Variants in MREG observed in about 807,000 individuals in gnomAD.
MREG encodes the protein dilute suppressor protein homolog.
Under a neutral mutation model 28.5 loss-of-function variants are expected in MREG, and 31 were observed. The observed-to-expected ratio is 1.09, with a 90% CI of 0.82 to 1.47. MREG has a LOEUF of 1.47. MREG is among the 40% of genes most tolerant of loss of function. MREG has a pLI of 0.00. For synonymous variants in MREG, 106 were observed against 95.2 expected (o/e 1.11, Z -0.66); for missense variants, 256 against 257.4 (o/e 0.99, Z 0.04).
At chr2:216,030,960 A>T (rs866451307) in intron 1 of MREG, among the ~76,000 whole-genome samples, 77 of 117,268 alleles carry the variant, frequency 6.6e-4, no homozygotes, top group African/African-American at 2.1e-3. Context: ...TCTCTCTCAC[A>T]CACACACACA....
At chr2:215,978,867 A>G (rs1693331818) in intron 2 of MREG, among the ~76,000 whole-genome samples, 1 of 152,258 alleles carries the variant, frequency 6.6e-6, no homozygotes, top group African/African-American at 2.4e-5. Context: ...TAAACTAGGT[A>G]TTGATGGAAC....
At chr2:215,961,657 C>CCTCA (rs1410886486) in intron 2 of MREG, among the ~76,000 whole-genome samples, 6 of 152,082 alleles carry the variant, frequency 3.9e-5, no homozygotes, top group Non-Finnish European at 7.4e-5. Context: ...GAACTCCTGA[C>CCTCA]CTCAAATGAT....
intron 1 of MREG, among the ~76,000 whole-genome samples, chr2:215,998,687 T>C (rs1360922806): frequency 6.6e-6 from 1 of 152,110 alleles, no homozygotes; most frequent in African/African-American, 2.4e-5. Context: ...GATGAACCAG[T>C]GAAAGAGGAG....
chr2:215,969,989 T>G (rs569497206), intron 2 of MREG, among the ~76,000 whole-genome samples: 1 of 152,234 alleles, frequency 6.6e-6, no homozygotes, highest in Non-Finnish European at 1.5e-5. Context: ...ATTCTCACCA[T>G]GGCCTACATT....
chr2:215,956,464 A>AAT (rs1413320919), intron 2 of MREG, among the ~76,000 whole-genome samples: 5 of 152,110 alleles, frequency 3.3e-5, no homozygotes, highest in African/African-American at 9.7e-5. Context: ...TACAGAAAAT[A>AAT]ATATATATAT....
intron 2 of MREG, among the ~76,000 whole-genome samples, chr2:215,950,896 G>A (rs1473972422): frequency 2.0e-5 from 3 of 152,180 alleles, no homozygotes; most frequent in Non-Finnish European, 4.4e-5. Flanking sequence ...GATCATAGAG[G>A]TGGTTTCTAA....
chr2:216,029,743 A>G (rs1694651064), intron 1 of MREG, among the ~76,000 whole-genome samples: 1 of 152,256 alleles, frequency 6.6e-6, no homozygotes, highest in Non-Finnish European at 1.5e-5. Flanking sequence ...AGAATAGTCC[A>G]GTATTTCCCT....
intron 1 of MREG, among the ~76,000 whole-genome samples, chr2:216,006,571 A>G (rs928796192): frequency 2.0e-5 from 3 of 152,234 alleles, no homozygotes; most frequent in Non-Finnish European, 2.9e-5. Context: ...AGGTGTGCCA[A>G]TCTGCCCAAT....
rs1229146171 is a variant in MREG at position 216,031,536 on chromosome 2, AAGGAAGGAAG to A, written c.-68+1243_-68+1252del. ...GGAAGGAAGGGAAAAGAAAAGAAAGAAGGAAGGAAGGAAAGAGGGAGGGAGGGAAGGAAGG... is the reference window on the plus strand; with the variant it reads ...GGAAGGAAGGGAAAAGAAAAGAAAGAGAAAGAGGGAGGGAGGGAAGGAAGG... On this transcript the variant is annotated intron_variant, in intron 1 of 3. Coordinates refer to the MREG transcript ENST00000420348. 8.0e-5 allele frequency among the ~76,000 whole-genome samples: 12 copies of A among 150,072 alleles called. No homozygotes were observed. The South Asian group carries it at 8.5e-4, about 11-fold the overall frequency.
intron 2 of MREG, among the ~76,000 whole-genome samples, chr2:215,984,518 C>CAAAAAAAAAAAA (rs375220091): frequency 2.9e-4 from 20 of 68,038 alleles, no homozygotes; most frequent in Non-Finnish European, 3.7e-4. Flanking sequence ...ACCTTGTCAC[C>CAAAAAAAAAAAA]AAAAAAAAAA....
At chr2:216,026,867 T>C (rs1694604510) in intron 1 of MREG, among the ~76,000 whole-genome samples, 1 of 152,174 alleles carries the variant, frequency 6.6e-6, no homozygotes. Context: ...TAAACTTACA[T>C]CACATAAGGC....
At chr2:215,957,569 G>C (rs892813670) in intron 2 of MREG, among the ~76,000 whole-genome samples, 4 of 152,226 alleles carry the variant, frequency 2.6e-5, no homozygotes, top group Non-Finnish European at 5.9e-5. Flanking sequence ...GGACTGAGGA[G>C]AGAAGGTAAA....
chr2:215,951,516 G>A (rs1248294125), intron 2 of MREG, among the ~76,000 whole-genome samples: 3 of 152,124 alleles, frequency 2.0e-5, no homozygotes, highest in Admixed American at 1.3e-4. Context: ...CTTAATTTCT[G>A]AAATAATATA....
chr2:215,992,343 A>G (rs539192778), intron 2 of MREG, among the ~76,000 whole-genome samples: 1 of 152,380 alleles, frequency 6.6e-6, no homozygotes, highest in Admixed American at 6.5e-5. Flanking sequence ...ATAAAATTCA[A>G]CAGCCCTTCA....
intron 1 of MREG, among the ~76,000 whole-genome samples, chr2:216,028,897 A>G (rs1199639790): frequency 6.6e-6 from 1 of 152,022 alleles, no homozygotes; most frequent in Admixed American, 6.5e-5. Context: ...GTTACACCAC[A>G]ATAAAGAAAA....
chr2:215,963,440 AAAAAAAAAAAAAAAAC>A (rs1436148209), intron 2 of MREG, among the ~76,000 whole-genome samples: 277 of 16,748 alleles, frequency 0.017, no homozygotes, highest in Non-Finnish European at 0.033. Context: ...CATCTCAAAA[AAAAAAAAAAAAAAAAC>A]AAAAAAACAG....
Position 216,013,413 on chromosome 2 carries a change from CAGCGT to C in MREG, c.-91_-87del. 1 of 1,007,034 alleles carries C rather than the reference CAGCGT, an allele frequency of 9.9e-7. No homozygotes were observed. The highest frequency in any genetic ancestry group is 1.3e-6 in the Non-Finnish European group (1 of 765,688). 62.4% of individuals were successfully genotyped at this position (1,007,034 alleles called of 1,614,324 possible). On this transcript the variant is annotated 5_prime_UTR_variant, in exon 1 of 5. Coordinates refer to ENST00000263268, the MANE Select transcript of MREG (RefSeq NM_018000.3). ...CGAGGCTGGGGCGCGGCCACCGCGCCAGCGTCCAGGTGCGGGGACAGCGGCAGCCC... is the reference window on the plus strand; with the variant it reads ...CGAGGCTGGGGCGCGGCCACCGCGCCCCAGGTGCGGGGACAGCGGCAGCCC...
upstream of MREG, among the ~76,000 whole-genome samples, chr2:216,018,162 C>A (rs1310302206): frequency 6.7e-6 from 1 of 149,602 alleles, no homozygotes; most frequent in African/African-American, 2.5e-5. Flanking sequence ...GACTCCACCT[C>A]AAAAAAAAAA....
upstream of MREG, among the ~76,000 whole-genome samples, chr2:216,015,274 T>C (rs887543520): frequency 6.6e-6 from 1 of 152,070 alleles, no homozygotes; most frequent in East Asian, 1.9e-4. Context: ...TCGCTGAGAC[T>C]GTGACATGTA....
Sources: allele counts gnomAD v4.1 joint callset (sites outside exome capture counted in the v4.1 genomes callset), GRCh38; gene constraint gnomAD v4.1.1; transcripts MANE v1.5; gene names NCBI Gene and HGNC (gene_info 2026-07-23, HGNC 2026-07-21).